Variants in ELMO1 observed in about 807,000 individuals in gnomAD.
ELMO1 encodes the protein engulfment and cell motility protein 1.
A neutral mutation model predicts 98.9 loss-of-function variants in ELMO1; 26 were observed. The ratio of observed to expected loss-of-function variants is 0.26; its 90% CI spans 0.19 to 0.36. The LOEUF is 0.36. Ranked by LOEUF, ELMO1 falls within the 10% of genes least tolerant of loss-of-function variation. The probability of loss-of-function intolerance (pLI) is 1.00; values close to 1 mark genes in which losing one functional copy is unlikely to be tolerated. For missense variants in ELMO1, 627 were observed against 935.2 expected (o/e 0.67, Z 4.30); for synonymous variants, 346 against 346.0 (o/e 1.00, Z 0.00).
intron 15 of ELMO1, among the ~76,000 whole-genome samples, chr7:37,062,296 C>A (rs1483500223): frequency 6.6e-6 from 1 of 152,138 alleles, no homozygotes; most frequent in African/African-American, 2.4e-5. Context: ...ATGAGCCCAG[C>A]ATTCTAAATT....
At position 37,069,370 on chromosome 7, in the gene ELMO1, A is replaced by T. The variant is rs966095317; in HGVS notation, c.1300+27249T>A. On this transcript the variant is annotated intron_variant, in intron 15 of 21. Transcript: ENST00000310758. ...TTGATGAAAACCACTCAAATTAGTAAATTAATTCTTGATCTGATAAAGTCA... is the reference window on the plus strand; with the variant it reads ...TTGATGAAAACCACTCAAATTAGTATATTAATTCTTGATCTGATAAAGTCA... Among the ~76,000 whole-genome samples, 3 of 152,196 alleles carry T rather than the reference A, an allele frequency of 2.0e-5. No individual in the cohort carries two copies. In the East Asian group the frequency reaches 5.8e-4, roughly 29 times the overall value.
chr7:37,210,691 A>C (rs1563079250), intron 13 of ELMO1, among the ~76,000 whole-genome samples: 2 of 152,128 alleles, frequency 1.3e-5, no homozygotes, highest in Non-Finnish European at 2.9e-5. Context: ...CTAATCACCG[A>C]AGCCAAAATC....
At chr7:37,235,101 G>T (rs1017272224) in intron 7 of ELMO1, among the ~76,000 whole-genome samples, 3 of 152,140 alleles carry the variant, frequency 2.0e-5, no homozygotes, top group Admixed American at 6.5e-5. Flanking sequence ...CTTATTTGAA[G>T]AAAAGAACAG....
chr7:37,164,633 A>G (rs1789506772), intron 13 of ELMO1, among the ~76,000 whole-genome samples: 1 of 152,026 alleles, frequency 6.6e-6, no homozygotes, highest in African/African-American at 2.4e-5. Flanking sequence ...GGTTTGTCAA[A>G]GATCAGATAG....
intron 13 of ELMO1, among the ~76,000 whole-genome samples, chr7:37,189,482 G>A (rs185635766): frequency 6.6e-6 from 1 of 152,308 alleles, no homozygotes; most frequent in Admixed American, 6.5e-5. Context: ...TATAACTGAA[G>A]AAAGACACAG....
chr7:36,909,516 G>A (rs1784199100), intron 16 of ELMO1, among the ~76,000 whole-genome samples: 2 of 152,272 alleles, frequency 1.3e-5, no homozygotes, highest in African/African-American at 4.8e-5. Flanking sequence ...GATTTTAGGA[G>A]CAAAAGGGGA....
intron 16 of ELMO1, among the ~76,000 whole-genome samples, chr7:37,004,466 T>C (rs1007006860): frequency 6.6e-6 from 1 of 152,234 alleles, no homozygotes; most frequent in Non-Finnish European, 1.5e-5. Context: ...GGGACTGATA[T>C]ATCTCACTGC....
intron 16 of ELMO1, among the ~76,000 whole-genome samples, chr7:36,927,785 T>C (rs1785701343): frequency 6.6e-6 from 1 of 152,148 alleles, no homozygotes; most frequent in Non-Finnish European, 1.5e-5. Flanking sequence ...CATACCAGAG[T>C]ATGAATGAGT....
chr7:37,302,039 C>G (rs1161996542), intron 4 of ELMO1, among the ~76,000 whole-genome samples: 1 of 152,204 alleles, frequency 6.6e-6, no homozygotes, highest in Non-Finnish European at 1.5e-5. Context: ...TATCTGACAA[C>G]TTTTCCCTGA....
At chr7:37,214,660 G>A (rs543334040) in intron 11 of ELMO1, among the ~76,000 whole-genome samples, 2 of 140,080 alleles carry the variant, frequency 1.4e-5, no homozygotes, top group Non-Finnish European at 3.1e-5. Context: ...ATGGGAAGCA[G>A]GGAAGCTAGA....
chr7:37,274,333 T>C (rs773337407), intron 4 of ELMO1, among the ~76,000 whole-genome samples: 1 of 152,156 alleles, frequency 6.6e-6, no homozygotes, highest in Non-Finnish European at 1.5e-5. Context: ...GAAAATAAGA[T>C]GGAGAACTAA....
intron 1 of ELMO1, among the ~76,000 whole-genome samples, chr7:37,421,566 A>G (rs913059417): frequency 6.6e-6 from 1 of 152,222 alleles, no homozygotes; most frequent in Non-Finnish European, 1.5e-5. Flanking sequence ...AAAGCTAAGA[A>G]CAGTCAAGCC....
At chr7:37,053,336 A>G (rs1157448959) in intron 15 of ELMO1, among the ~76,000 whole-genome samples, 1 of 151,762 alleles carries the variant, frequency 6.6e-6, no homozygotes, top group Non-Finnish European at 1.5e-5. Flanking sequence ...ACACACAGAA[A>G]ACAACAACAA....
chr7:37,384,583 G>T (rs978332200), intron 1 of ELMO1, among the ~76,000 whole-genome samples: 15 of 152,096 alleles, frequency 9.9e-5, no homozygotes, highest in African/African-American at 3.6e-4. Flanking sequence ...AGCCGGGCGC[G>T]GTGGTGGGCG....
At chr7:37,043,567 C>A (rs80177042) in intron 15 of ELMO1, among the ~76,000 whole-genome samples, 1,736 of 152,218 alleles carry the variant, frequency 0.011, 42 homozygotes, top group African/African-American at 0.04. Context: ...GAACTGTACT[C>A]AAAAGGGGAA....
chr7:36,879,829 A>G (rs550851595), intron 18 of ELMO1, among the ~76,000 whole-genome samples: 3 of 152,350 alleles, frequency 2.0e-5, no homozygotes, highest in African/African-American at 7.2e-5. Context: ...AACATGGGTC[A>G]TTTTTCTGGG....
intron 16 of ELMO1, among the ~76,000 whole-genome samples, chr7:36,918,674 C>G (rs992503192): frequency 6.6e-6 from 1 of 152,204 alleles, no homozygotes; most frequent in Non-Finnish European, 1.5e-5. Flanking sequence ...GTGCTCTCAG[C>G]CACTCATGTT....
At chr7:36,924,092 A>T (rs1201919821) in intron 16 of ELMO1, among the ~76,000 whole-genome samples, 1 of 152,240 alleles carries the variant, frequency 6.6e-6, no homozygotes, top group Non-Finnish European at 1.5e-5. Flanking sequence ...AGAACTGTGT[A>T]TTAGAACAAC....
At chr7:37,261,662 G>A (rs1795981666) in intron 5 of ELMO1, among the ~76,000 whole-genome samples, 2 of 152,000 alleles carry the variant, frequency 1.3e-5, no homozygotes, top group Admixed American at 1.3e-4. Flanking sequence ...GAGTGCAGTG[G>A]CACAATCTCG....
Sources: gnomAD v4.1 joint callset for allele counts (sites outside exome capture counted in the v4.1 genomes callset) on GRCh38, gnomAD v4.1.1 for gene constraint, MANE v1.5 for transcripts, NCBI Gene and HGNC (gene_info 2026-07-23, HGNC 2026-07-21) for gene names.